The following DGKB variants were observed in gnomAD, a reference collection of about 807,000 sequenced individuals.
DGKB encodes the protein diacylglycerol kinase beta.
A neutral mutation model predicts 114.3 loss-of-function variants in DGKB; 67 were observed. That is an observed-to-expected ratio of 0.59 (90% CI 0.48 to 0.72). DGKB has a LOEUF of 0.72. Among genes scored for constraint, DGKB ranks in the 30% least tolerant of loss-of-function variants. The pLI, the probability that DGKB is intolerant of heterozygous loss-of-function variation, is 0.00. For missense variants in DGKB, 907 were observed against 975.2 expected (o/e 0.93, Z 0.93); for synonymous variants, 398 against 323.1 (o/e 1.23, Z -2.49).
At chr7:14,952,127 T>A (rs36891) in intron 1 of DGKB, among the ~76,000 whole-genome samples, 18,161 of 152,026 alleles carry the variant, frequency 0.12, 1,468 homozygotes, top group Non-Finnish European at 0.18. Context: ...CACATACATA[T>A]ACAAAGAGGA....
chr7:14,195,673 T>C (rs1419454650), intron 23 of DGKB, among the ~76,000 whole-genome samples: 1 of 152,060 alleles, frequency 6.6e-6, no homozygotes, highest in Non-Finnish European at 1.5e-5. Flanking sequence ...CAGTGAAACA[T>C]GAAAAACACA....
chr7:14,285,415 C>A (rs945198727), intron 23 of DGKB, among the ~76,000 whole-genome samples: 1 of 152,176 alleles, frequency 6.6e-6, no homozygotes, highest in Admixed American at 6.5e-5. Flanking sequence ...GCCCTTTTCA[C>A]TGGTGTTTCA....
intron 2 of DGKB, among the ~76,000 whole-genome samples, chr7:14,836,228 C>T (rs1166674426): frequency 6.6e-6 from 1 of 152,156 alleles, no homozygotes; most frequent in East Asian, 1.9e-4. Context: ...CACACCAGGT[C>T]CAAACATTAT....
At chr7:14,413,918 T>C (rs1825291756) in intron 21 of DGKB, among the ~76,000 whole-genome samples, 1 of 152,170 alleles carries the variant, frequency 6.6e-6, no homozygotes, top group South Asian at 2.1e-4. Context: ...TGCTTCTTAA[T>C]GGGAGAGATT....
intron 15 of DGKB, among the ~76,000 whole-genome samples, chr7:14,616,875 A>G (rs1806640385): frequency 6.6e-6 from 1 of 151,826 alleles, no homozygotes; most frequent in African/African-American, 2.4e-5. Flanking sequence ...AAGATTTTAT[A>G]GCATCTGTGG....
intron 25 of DGKB, among the ~76,000 whole-genome samples, chr7:14,165,404 G>T (rs2128228893): frequency 6.6e-6 from 1 of 152,174 alleles, no homozygotes; most frequent in South Asian, 2.1e-4. Context: ...TACATAGGAG[G>T]TAAAAGGAGA....
intron 23 of DGKB, among the ~76,000 whole-genome samples, chr7:14,313,919 G>A (rs1036760300): frequency 2.6e-5 from 4 of 152,196 alleles, no homozygotes; most frequent in Admixed American, 6.5e-5. Flanking sequence ...TTCTCCCAGT[G>A]CGCAGCCAGA....
At chr7:14,583,167 T>C (rs1800207863) in intron 17 of DGKB, 30 bp from the exon 18 acceptor site, 1 of 1,341,544 alleles carries the variant, frequency 7.5e-7, no homozygotes, top group Non-Finnish European at 1.1e-6. Flanking sequence ...TGGCACATGA[T>C]TAATAGTTTA....
chr7:14,444,519 T>C (rs767324164), intron 21 of DGKB, among the ~76,000 whole-genome samples: 108 of 151,994 alleles, frequency 7.1e-4, no homozygotes, highest in Middle Eastern at 3.4e-3. Flanking sequence ...TTGTAACTTA[T>C]TTGATTTCTC....
At chr7:14,210,152 T>G (rs898267258) in intron 23 of DGKB, among the ~76,000 whole-genome samples, 2 of 152,114 alleles carry the variant, frequency 1.3e-5, no homozygotes, top group African/African-American at 2.4e-5. Context: ...TAATCTTGAC[T>G]GCTAGCATCT....
intron 2 of DGKB, among the ~76,000 whole-genome samples, chr7:14,821,698 T>G (rs1006801905): frequency 6.6e-6 from 1 of 152,174 alleles, no homozygotes; most frequent in African/African-American, 2.4e-5. Flanking sequence ...TAGTGCTTTA[T>G]GTACATCAGG....
chr7:14,523,149 T>C (rs1790053813), intron 20 of DGKB, among the ~76,000 whole-genome samples: 1 of 152,184 alleles, frequency 6.6e-6, no homozygotes, highest in African/African-American at 2.4e-5. Context: ...ATTTTTAAAC[T>C]ATGGTTTTAA....
chr7:14,667,426 TC>T (rs1818234516), intron 13 of DGKB, among the ~76,000 whole-genome samples: 1 of 152,032 alleles, frequency 6.6e-6, no homozygotes, highest in African/African-American at 2.4e-5. Flanking sequence ...AAACTAGACA[TC>T]TTAAGTTCTC....
intron 23 of DGKB, among the ~76,000 whole-genome samples, chr7:14,289,796 G>T (rs1266106782): frequency 6.7e-6 from 1 of 148,926 alleles, no homozygotes; most frequent in East Asian, 2.0e-4. Context: ...TTCTATGGGG[G>T]TAAATGTGGT....
chr7:14,304,583 T>C (rs1804157430), intron 23 of DGKB, among the ~76,000 whole-genome samples: 1 of 152,168 alleles, frequency 6.6e-6, no homozygotes, highest in African/African-American at 2.4e-5. Context: ...TTTCGATAAC[T>C]AGCCAATGCT....
At chr7:14,705,945 G>C (rs1464238046) in intron 6 of DGKB, among the ~76,000 whole-genome samples, 1 of 151,626 alleles carries the variant, frequency 6.6e-6, no homozygotes, top group Non-Finnish European at 1.5e-5. Context: ...ATGATGACAG[G>C]ATCAAATTCA....
chr7:14,824,619 A>G (rs1256034433), intron 2 of DGKB, among the ~76,000 whole-genome samples: 2 of 152,130 alleles, frequency 1.3e-5, no homozygotes, highest in African/African-American at 4.8e-5. Flanking sequence ...TTAAAGAAAT[A>G]TTGGTAAAGA....
intron 1 of DGKB, among the ~76,000 whole-genome samples, chr7:14,894,120 A>T (rs1382468083): frequency 1.3e-5 from 2 of 151,402 alleles, no homozygotes; most frequent in Non-Finnish European, 3.0e-5. Flanking sequence ...AAATAAGGCC[A>T]GGGAAGTTTA....
chr7:14,321,742 C>T (rs1451511677), intron 23 of DGKB, among the ~76,000 whole-genome samples: 1 of 151,982 alleles, frequency 6.6e-6, no homozygotes, highest in Non-Finnish European at 1.5e-5. Flanking sequence ...TTTTAGAAAG[C>T]TGTGTATTTT....
Sources: allele counts gnomAD v4.1 joint callset (sites outside exome capture counted in the v4.1 genomes callset), GRCh38; gene constraint gnomAD v4.1.1; transcripts MANE v1.5; gene names NCBI Gene and HGNC (gene_info 2026-07-23, HGNC 2026-07-21).